LRMDA: variants seen among roughly 807,000 people sequenced by gnomAD.
LRMDA encodes leucine-rich melanocyte differentiation-associated protein.
In LRMDA, 18 loss-of-function variants were observed where a neutral mutation model predicts 29.8. The observed-to-expected ratio is 0.60, with a 90% CI of 0.42 to 0.90. LRMDA has a LOEUF of 0.90. Ranked by LOEUF, LRMDA falls within the 40% of genes least tolerant of loss-of-function variation. The pLI is 0.00. For synonymous variants in LRMDA, 125 were observed against 109.4 expected (o/e 1.14, Z -0.89); for missense variants, 273 against 273.9 (o/e 1.00, Z 0.02).
intron 2 of LRMDA, chr10:75,643,172 A>G (rs1194517096): frequency 6.6e-6 from 1 of 152,146 alleles, no homozygotes; most frequent in African/African-American, 2.4e-5. Flanking sequence ...TCACTCATTC[A>G]TACACACATT....
chr10:76,273,285 C>A lies in LRMDA; in HGVS notation c.517-51116C>A, dbSNP rs1840090142. Among the ~76,000 whole-genome samples the A allele has an allele frequency of 3.3e-5, 5 of 152,080 alleles. No homozygotes were observed. The South Asian group carries it at 1.0e-3, about 32-fold the overall frequency. On this transcript the variant is annotated intron_variant, in intron 5 of 6. Coordinates refer to ENST00000611255, the MANE Select transcript of LRMDA (RefSeq NM_001305581.2). ...ACCATTAGATCTAAAAACGGTGCATCCTTGGATTCCTTTTGTTGAATTTTG... is the reference window on the plus strand; with the variant it reads ...ACCATTAGATCTAAAAACGGTGCATACTTGGATTCCTTTTGTTGAATTTTG...
At chr10:75,907,525 A>G (rs530390247) in intron 2 of LRMDA, among the ~76,000 whole-genome samples, 65 of 152,330 alleles carry the variant, frequency 4.3e-4, no homozygotes, top group African/African-American at 1.2e-3. Flanking sequence ...TGGCCGCATC[A>G]ATCATACCTT....
At position 76,240,594 on chromosome 10, in the gene LRMDA, T is replaced by C. The variant is rs181661335; in HGVS notation, c.517-83807T>C. On this transcript the variant is annotated intron_variant, in intron 5 of 6. Coordinates refer to ENST00000611255, the MANE Select transcript of LRMDA (RefSeq NM_001305581.2). The stretch of plus-strand genomic sequence containing the variant: ...GATTCCTTAAAGAACTAAAAGTAGA[T>C]CTACCATTTGATCCAGCAATCCCAC... 3.5e-4 allele frequency among the ~76,000 whole-genome samples: 52 copies of C among 150,546 alleles called. 1 individual carries two copies. Among genetic ancestry groups the C allele is most frequent in the Admixed American group, 2.9e-3 (44 of 15,106 alleles).
chr10:75,562,079 G>A (rs879911542), intron 2 of LRMDA, among the ~76,000 whole-genome samples: 11 of 151,786 alleles, frequency 7.2e-5, no homozygotes, highest in Admixed American at 3.3e-4. Context: ...CAATTCCTGG[G>A]TATCCTTGTT....
intron 3 of LRMDA, among the ~76,000 whole-genome samples, chr10:76,044,333 G>A (rs1480508681): frequency 3.9e-5 from 6 of 152,114 alleles, no homozygotes; most frequent in African/African-American, 7.2e-5. Context: ...CCTGGGTATT[G>A]GAAGGGGACT....
chr10:75,985,800 G>A (rs1393484867), intron 2 of LRMDA, among the ~76,000 whole-genome samples: 5 of 152,140 alleles, frequency 3.3e-5, no homozygotes, highest in Non-Finnish European at 7.4e-5. Context: ...ATGCACACTG[G>A]GCAGGAAAAG....
chr10:75,444,760 A>C (rs938012187), intron 2 of LRMDA, among the ~76,000 whole-genome samples: 2 of 152,222 alleles, frequency 1.3e-5, no homozygotes, highest in Non-Finnish European at 2.9e-5. Context: ...AGTATGGAGG[A>C]AACCATCTTC....
At position 76,229,398 on chromosome 10, in the gene LRMDA, G is replaced by T. The variant is rs539723184; in HGVS notation, c.517-95003G>T. On this transcript the variant is annotated intron_variant, in intron 5 of 6. Coordinates refer to ENST00000611255, the MANE Select transcript of LRMDA (RefSeq NM_001305581.2). The stretch of plus-strand genomic sequence containing the variant: ...AATGATGTTTAGGAGAGAAGAATGG[G>T]CATCAAGAACAGATGATGTCCTGGG... 8.5e-5 allele frequency among the ~76,000 whole-genome samples: 13 copies of T among 152,308 alleles called. No homozygotes were observed. In the South Asian group the frequency reaches 2.3e-3, roughly 27 times the overall value.
intron 2 of LRMDA, among the ~76,000 whole-genome samples, chr10:76,021,984 G>A (rs950878108): frequency 6.6e-6 from 1 of 152,150 alleles, no homozygotes; most frequent in Non-Finnish European, 1.5e-5. Flanking sequence ...TATTATGGAA[G>A]GTGACCATTT....
At chr10:75,569,512 C>T (rs1400298372) in intron 2 of LRMDA, among the ~76,000 whole-genome samples, 1 of 152,188 alleles carries the variant, frequency 6.6e-6, no homozygotes, top group East Asian at 1.9e-4. Context: ...TTTCCCCTGT[C>T]AGTTTAGCAA....
chr10:75,459,934 G>C (rs1291647621), intron 2 of LRMDA, among the ~76,000 whole-genome samples: 1 of 152,144 alleles, frequency 6.6e-6, no homozygotes, highest in Non-Finnish European at 1.5e-5. Flanking sequence ...CTCGTATTAG[G>C]CTCCACCTCC....
intron 2 of LRMDA, among the ~76,000 whole-genome samples, chr10:75,918,466 G>T (rs1845971646): frequency 6.6e-6 from 1 of 151,964 alleles, no homozygotes; most frequent in African/African-American, 2.4e-5. Flanking sequence ...GGAGCAGGAG[G>T]TGCCACACCC....
At chr10:75,777,004 G>A (rs1222511272) in intron 2 of LRMDA, among the ~76,000 whole-genome samples, 1 of 152,258 alleles carries the variant, frequency 6.6e-6, no homozygotes, top group African/African-American at 2.4e-5. Flanking sequence ...GCCCATGAGG[G>A]CTGCAGAGCC....
chr10:75,588,833 TTA>T (rs1207204977), intron 2 of LRMDA, among the ~76,000 whole-genome samples: 1 of 152,214 alleles, frequency 6.6e-6, no homozygotes, highest in African/African-American at 2.4e-5. Context: ...TAAATATAGA[TTA>T]TGTCTTTGTC....
rs76159173 is a variant in LRMDA, at chr10:75,544,273, C to T, written c.131+105779C>T. 8.3e-3 allele frequency among the ~76,000 whole-genome samples: 1,263 copies of T among 152,230 alleles called. 16 individuals are homozygous for T. Among genetic ancestry groups the T allele is most frequent in the African/African-American group, 0.029 (1,218 of 41,544 alleles). On this transcript the variant is annotated intron_variant, in intron 2 of 6. Transcript: ENST00000611255. ...TTTACCTTACATTTAGTCCCTAACT[C>T]CCTACATTTATTGTTAATTGGTAGT...
At chr10:76,390,211 A>G (rs964221514) in intron 6 of LRMDA, among the ~76,000 whole-genome samples, 7 of 152,176 alleles carry the variant, frequency 4.6e-5, no homozygotes, top group African/African-American at 1.4e-4. Context: ...AATGGATATA[A>G]GGTGGTATCT....
At chr10:75,621,226 C>CCA (rs972547811) in intron 2 of LRMDA, among the ~76,000 whole-genome samples, 3 of 116,728 alleles carry the variant, frequency 2.6e-5, no homozygotes, top group Admixed American at 8.2e-5. Flanking sequence ...ACACACACAC[C>CCA]CACACACCCA....
chr10:76,120,067 A>G (rs1849754246), intron 5 of LRMDA, among the ~76,000 whole-genome samples: 1 of 152,104 alleles, frequency 6.6e-6, no homozygotes, highest in South Asian at 2.1e-4. Flanking sequence ...CATATAGAGC[A>G]GCCCCCTTTG....
intron 2 of LRMDA, among the ~76,000 whole-genome samples, chr10:75,979,707 C>T (rs1847132515): frequency 1.3e-5 from 2 of 152,044 alleles, no homozygotes; most frequent in Non-Finnish European, 2.9e-5. Context: ...ACTCAGGACC[C>T]TCTGATTTCC....
Sources: gnomAD v4.1 joint callset for allele counts (sites outside exome capture counted in the v4.1 genomes callset) on GRCh38, gnomAD v4.1.1 for gene constraint, MANE v1.5 for transcripts, NCBI Gene and HGNC (gene_info 2026-07-23, HGNC 2026-07-21) for gene names.